Variants in PDE4D observed in about 807,000 individuals in gnomAD.
PDE4D encodes the protein 3',5'-cyclic-AMP phosphodiesterase 4D.
PDE4D carries 24 observed loss-of-function variants against 87.4 expected under a neutral mutation model. That is an observed-to-expected ratio of 0.27 (90% CI 0.20 to 0.39). The LOEUF is 0.39. Among genes scored for constraint, PDE4D ranks in the 10% least tolerant of loss-of-function variants. PDE4D has a pLI of 1.00. For missense variants in PDE4D, 714 were observed against 1,041.0 expected, an observed-to-expected ratio of 0.69 and a Z score of 4.32; for synonymous variants, 384 against 383.2, an observed-to-expected ratio of 1.00 and a Z score of -0.02.
chr5:59,954,628 A>C (rs1366694825), intron 3 of PDE4D, among the ~76,000 whole-genome samples: 1 of 152,148 alleles, frequency 6.6e-6, no homozygotes, highest in Non-Finnish European at 1.5e-5. Flanking sequence ...TTATTCTCAA[A>C]GACCTAGCTG....
At chr5:59,530,861 C>G (rs978960710) in intron 1 of PDE4D, among the ~76,000 whole-genome samples, 1 of 152,040 alleles carries the variant, frequency 6.6e-6, no homozygotes, top group Non-Finnish European at 1.5e-5. Flanking sequence ...ATTTGAGATC[C>G]CTTTGAAGGG....
chr5:59,253,162 GA>G (rs961157129), intron 1 of PDE4D, among the ~76,000 whole-genome samples: 2 of 152,032 alleles, frequency 1.3e-5, no homozygotes, highest in East Asian at 3.9e-4. Context: ...TTGACATTTG[GA>G]AAAATGGCTT....
At chr5:59,415,079 C>T (rs1218338494) in intron 1 of PDE4D, among the ~76,000 whole-genome samples, 1 of 152,090 alleles carries the variant, frequency 6.6e-6, no homozygotes, top group East Asian at 1.9e-4. Context: ...GAGATCATTG[C>T]AGCTATCCAT....
chr5:60,267,808 T>A (rs935290889), intron 1 of PDE4D, among the ~76,000 whole-genome samples: 4 of 152,142 alleles, frequency 2.6e-5, no homozygotes, highest in African/African-American at 9.7e-5. Flanking sequence ...TTTGCTGTCT[T>A]TTTTGCACCA....
At chr5:59,820,538 A>G (rs1188576196) in intron 1 of PDE4D, among the ~76,000 whole-genome samples, 1 of 152,228 alleles carries the variant, frequency 6.6e-6, no homozygotes, top group Non-Finnish European at 1.5e-5. Context: ...GCAACATGAA[A>G]TCCTTTTACC....
intron 5 of PDE4D, among the ~76,000 whole-genome samples, chr5:59,125,063 T>C (rs1278736066): frequency 6.6e-6 from 1 of 152,154 alleles, no homozygotes; most frequent in Non-Finnish European, 1.5e-5. Context: ...CTTGCTGAAA[T>C]GTTCAAATGC....
intron 1 of PDE4D, among the ~76,000 whole-genome samples, chr5:59,353,819 C>T (rs892976865): frequency 5.3e-5 from 8 of 151,808 alleles, no homozygotes; most frequent in African/African-American, 1.9e-4. Context: ...TTAATCTTTT[C>T]TTATAAAAAT....
intron 1 of PDE4D, among the ~76,000 whole-genome samples, chr5:59,574,721 A>G (rs1822845173): frequency 6.6e-6 from 1 of 152,088 alleles, no homozygotes; most frequent in Non-Finnish European, 1.5e-5. Context: ...CTTTCCCCCC[A>G]ACAAAGTCTT....
At chr5:59,316,210 G>A (rs1398730854) in intron 1 of PDE4D, among the ~76,000 whole-genome samples, 1 of 152,074 alleles carries the variant, frequency 6.6e-6, no homozygotes, top group East Asian at 1.9e-4. Flanking sequence ...CAATAATAAA[G>A]GCAGATTGCC....
chr5:60,304,438 G>T (rs1383654148), intron 1 of PDE4D, among the ~76,000 whole-genome samples: 3 of 151,620 alleles, frequency 2.0e-5, no homozygotes. Flanking sequence ...GAGGTCAGGA[G>T]ATCGAGACCA....
chr5:60,393,351 C>T (rs146389669), intron 1 of PDE4D, among the ~76,000 whole-genome samples: 5 of 152,144 alleles, frequency 3.3e-5, no homozygotes, highest in African/African-American at 7.2e-5. Context: ...TTAAGCATCG[C>T]ACATTGTGTC....
chr5:59,567,236 T>C (rs1456973775), intron 1 of PDE4D, among the ~76,000 whole-genome samples: 1 of 152,196 alleles, frequency 6.6e-6, no homozygotes, highest in African/African-American at 2.4e-5. Flanking sequence ...TGCTTTCCTT[T>C]GTGATTACAA....
intron 1 of PDE4D, among the ~76,000 whole-genome samples, chr5:60,186,954 C>G (rs570776279): frequency 6.6e-6 from 1 of 152,084 alleles, no homozygotes; most frequent in Non-Finnish European, 1.5e-5. Flanking sequence ...CTCAAGTCTT[C>G]TCAAAATAAA....
intron 5 of PDE4D, chr5:59,180,213 A>G (rs1741169180): frequency 1.1e-5 from 4 of 361,114 alleles, no homozygotes; most frequent in Non-Finnish European, 2.1e-5. Context: ...CCTTTTATTT[A>G]TGCCTTCACT....
chr5:59,028,279 T>A (rs544261941), intron 6 of PDE4D, among the ~76,000 whole-genome samples: 1 of 151,982 alleles, frequency 6.6e-6, no homozygotes, highest in South Asian at 2.1e-4. Flanking sequence ...AAAAAGTGAT[T>A]AATGGGGGAG....
intron 1 of PDE4D, among the ~76,000 whole-genome samples, chr5:59,290,273 A>G (rs576728308): frequency 2.0e-5 from 3 of 152,180 alleles, no homozygotes; most frequent in Non-Finnish European, 4.4e-5. Flanking sequence ...ATGAATCCAT[A>G]CATCTACAGC....
intron 1 of PDE4D, among the ~76,000 whole-genome samples, chr5:59,736,562 C>G (rs1758095286): frequency 6.6e-6 from 1 of 151,800 alleles, no homozygotes; most frequent in Non-Finnish European, 1.5e-5. Context: ...ACCTGTAATC[C>G]TAGGTACTCG....
chr5:59,863,736 C>T (rs1189899848), intron 1 of PDE4D, among the ~76,000 whole-genome samples: 1 of 152,094 alleles, frequency 6.6e-6, no homozygotes, highest in African/African-American at 2.4e-5. Context: ...CATGAGATGT[C>T]TTTTAGTTCC....
At position 59,185,237 on chromosome 5, in the gene PDE4D, C is replaced by T. The variant is rs773367832; in HGVS notation, c.710G>A (p.Arg237Gln). Reference protein sequence around the residue: ...AQVLASLRTVRNNFAALTNLQ... With the variant: ...AQVLASLRTVQNNFAALTNLQ... ...ATTAGTTAATGCAGCAAAGTTGTTT[C>T]GTACAGTTCGCAGACTGGCCAAGAC... The change falls in exon 4 of 15, where the codon CGA (arginine) becomes CAA (glutamine). Residue 237 changes from arginine (R) to glutamine (Q), a missense_variant. Physicochemically the swap from Arg to Gln is conservative, Grantham distance 43. Transcript: ENST00000340635. The T allele has an allele frequency of 3.1e-6, 5 of 1,612,714 alleles. No homozygotes were observed. Among genetic ancestry groups the T allele is most frequent in the Non-Finnish European group, 3.4e-6 (4 of 1,179,076 alleles).
Sources: gnomAD v4.1 joint callset for allele counts (sites outside exome capture counted in the v4.1 genomes callset) on GRCh38, gnomAD v4.1.1 for gene constraint, MANE v1.5 for transcripts, NCBI Gene and HGNC (gene_info 2026-07-23, HGNC 2026-07-21) for gene names.